The following HECA variants were observed in gnomAD, a reference collection of about 807,000 sequenced individuals.
The protein encoded by HECA is headcase protein homolog.
Under a neutral mutation model 37.6 loss-of-function variants are expected in HECA, and 13 were observed. The ratio of observed to expected loss-of-function variants is 0.35; its 90% CI spans 0.23 to 0.55. The LOEUF is 0.55. HECA is among the 20% of genes least tolerant of loss of function. HECA has a pLI of 0.90. For missense variants in HECA, 527 were observed against 701.9 expected, an observed-to-expected ratio of 0.75 and a Z score of 2.82; for synonymous variants, 307 against 291.5, an observed-to-expected ratio of 1.05 and a Z score of -0.54.
intron 2 of HECA, among the ~76,000 whole-genome samples, chr6:139,167,795 A>C (rs1774912950): frequency 6.6e-6 from 1 of 152,222 alleles, no homozygotes; most frequent in African/African-American, 2.4e-5. Context: ...TGATAGCAGC[A>C]AAAGGTAAAC....
At chr6:139,146,411 C>G in intron 1 of HECA, among the ~76,000 whole-genome samples, 1 of 152,280 alleles carries the variant, frequency 6.6e-6, no homozygotes, top group Non-Finnish European at 1.5e-5. Context: ...GCTTTGTTTT[C>G]GCTTTATAAA....
intron 1 of HECA, among the ~76,000 whole-genome samples, chr6:139,154,997 T>C (rs1284783976): frequency 3.3e-5 from 5 of 152,340 alleles, no homozygotes; most frequent in Admixed American, 2.0e-4. Flanking sequence ...TCTCCGCAGT[T>C]GTATATATAC....
At chr6:139,171,115 G>A (rs1774966269) in intron 2 of HECA, among the ~76,000 whole-genome samples, 1 of 152,138 alleles carries the variant, frequency 6.6e-6, no homozygotes, top group African/African-American at 2.4e-5. Context: ...GGACTTTTGT[G>A]TGGAGATGTC....
chr6:139,160,150 C>T (rs759648660), intron 1 of HECA, among the ~76,000 whole-genome samples: 6 of 152,188 alleles, frequency 3.9e-5, no homozygotes, highest in East Asian at 1.9e-4. Flanking sequence ...CCCAGAATCA[C>T]ATGAACCCTG....
At chr6:139,168,074 TC>T in intron 2 of HECA, among the ~76,000 whole-genome samples, 1 of 152,318 alleles carries the variant, frequency 6.6e-6, no homozygotes, top group African/African-American at 2.4e-5. Context: ...CCCACCTGTC[TC>T]CTTCCCACCA....
At chr6:139,149,026 C>T (rs1460580939) in intron 1 of HECA, among the ~76,000 whole-genome samples, 1 of 152,082 alleles carries the variant, frequency 6.6e-6, no homozygotes, top group Non-Finnish European at 1.5e-5. Context: ...CTAAATTGCC[C>T]ATAAGTTGCT....
chr6:139,136,279 AAAAAAAAG>A (rs1204871033), intron 1 of HECA, among the ~76,000 whole-genome samples: 1 of 149,428 alleles, frequency 6.7e-6, no homozygotes, highest in Admixed American at 6.6e-5. Flanking sequence ...AAAAAAAAAA[AAAAAAAAG>A]AAAAGAAAGA....
chr6:139,141,753 CTTTT>C (rs200706578), intron 1 of HECA, among the ~76,000 whole-genome samples: 1 of 78,170 alleles, frequency 1.3e-5, no homozygotes. Flanking sequence ...TAAACACCTT[CTTTT>C]TTTTTTTTTT....
In HECA at chr6:139,166,910, A is replaced by T. The variant is rs775691715; in HGVS notation, c.898A>T (p.Asn300Tyr). The change falls in exon 2 of 4, where the codon AAC becomes TAC. Residue 300 changes from asparagine to tyrosine, a missense_variant. By Grantham distance (143) the Asn-to-Tyr change is moderately radical (BLOSUM62 -2). Around this residue, in one of 4 missense-constraint regions of HECA, gnomAD observed 228 missense variants for 259.8 expected, o/e 0.88. Transcript: ENST00000367658. The part of the protein sequence containing the change: ...SSRYLGEFLK[N>Y]AIHLEPHKKA... ...CAGATACCTCGGGGAGTTCTTAAAG[A>T]ACGCCATCCATCTGGAGCCTCACAA... is the stretch of plus-strand genomic sequence containing the variant. 1 of 1,614,034 alleles carries T rather than the reference A, an allele frequency of 6.2e-7. No homozygotes were observed. The highest frequency in any genetic ancestry group is 2.2e-5 in the East Asian group (1 of 44,872).
intron 1 of HECA, among the ~76,000 whole-genome samples, chr6:139,155,076 C>T (rs913112664): frequency 6.6e-6 from 1 of 152,134 alleles, no homozygotes; most frequent in East Asian, 1.9e-4. Flanking sequence ...CATCATCAGG[C>T]GTACATCATA....
At chr6:139,150,848 CTG>C (rs1309578270) in intron 1 of HECA, among the ~76,000 whole-genome samples, 1 of 152,172 alleles carries the variant, frequency 6.6e-6, no homozygotes, top group Non-Finnish European at 1.5e-5. Flanking sequence ...CAATAGGAGT[CTG>C]TAACTCTAAG....
At chr6:139,140,810 A>T (rs963630818) in intron 1 of HECA, among the ~76,000 whole-genome samples, 8 of 152,052 alleles carry the variant, frequency 5.3e-5, no homozygotes, top group African/African-American at 1.7e-4. Context: ...TTGTTTTTTG[A>T]GATGGAGTCT....
Position 139,166,586 on chromosome 6 carries a change from T to C in HECA, c.574T>C (p.Tyr192His). The C allele has an allele frequency of 6.2e-7, 1 of 1,614,182 alleles. No homozygotes were observed. The highest frequency in any genetic ancestry group is 8.5e-7 in the Non-Finnish European group (1 of 1,180,036). Reference protein sequence around the residue: ...QGHLKKDTDWYQVKRMQDEKK... With the variant: ...QGHLKKDTDWHQVKRMQDEKK... The stretch of plus-strand genomic sequence containing the variant: ...CCACTTGAAGAAGGACACAGACTGG[T>C]ATCAGGTGAAGCGGATGCAGGACGA... The change falls in exon 2 of 4, where the codon TAT (tyrosine) becomes CAT (histidine). Residue 192 changes from tyrosine (Y) to histidine (H), a missense_variant. By Grantham distance (83) the Tyr-to-His change is moderately conservative (BLOSUM62 2). Transcript: ENST00000367658.
chr6:139,143,213 T>C (rs1359852149), intron 1 of HECA, among the ~76,000 whole-genome samples: 1 of 152,168 alleles, frequency 6.6e-6, no homozygotes, highest in African/African-American at 2.4e-5. Context: ...TGCAATCCTT[T>C]AGGGTGTTTT....
chr6:139,149,674 T>A (rs2114446256), intron 1 of HECA, among the ~76,000 whole-genome samples: 2 of 152,328 alleles, frequency 1.3e-5, no homozygotes, highest in African/African-American at 4.8e-5. Context: ...GAGCTCTTGC[T>A]GTGCAAATTT....
chr6:139,156,307 A>G (rs539184719), intron 1 of HECA, among the ~76,000 whole-genome samples: 10 of 152,198 alleles, frequency 6.6e-5, no homozygotes, highest in East Asian at 3.9e-4. Flanking sequence ...GCTCAAGCCA[A>G]TGCTTCCACC....
intron 1 of HECA, among the ~76,000 whole-genome samples, chr6:139,141,953 G>A (rs1774519298): frequency 8.3e-6 from 1 of 120,316 alleles, no homozygotes; most frequent in African/African-American, 3.3e-5. Flanking sequence ...TGGACATGGA[G>A]TGTCGCTCTG....
At chr6:139,148,200 A>C (rs1444899185) in intron 1 of HECA, among the ~76,000 whole-genome samples, 1 of 152,058 alleles carries the variant, frequency 6.6e-6, no homozygotes, top group Non-Finnish European at 1.5e-5. Context: ...CGCTTTCCCT[A>C]ATTTATTGTT....
chr6:139,147,646 A>G (rs1774600710), intron 1 of HECA, among the ~76,000 whole-genome samples: 1 of 152,194 alleles, frequency 6.6e-6, no homozygotes, highest in Middle Eastern at 3.2e-3. Flanking sequence ...CTGGTACTTG[A>G]ACTGAAATTA....
Sources: allele counts gnomAD v4.1 joint callset (sites outside exome capture counted in the v4.1 genomes callset), GRCh38; gene constraint gnomAD v4.1.1; regional missense constraint gnomAD v4.1.1; transcripts MANE v1.5; gene names NCBI Gene and HGNC (gene_info 2026-07-23, HGNC 2026-07-21).